The following DUSP13B variants were observed in gnomAD, a reference collection of about 807,000 sequenced individuals.
DUSP13B encodes the protein dual specificity phosphatase 13B.
the DUSP13B span, among the ~76,000 whole-genome samples, chr10:75,107,704 G>A: frequency 2.0e-5 from 3 of 152,156 alleles, no homozygotes; most frequent in Non-Finnish European, 4.4e-5. Context: ...AGCCTCCAGA[G>A]TAGCTGAGAT....
the DUSP13B span, among the ~76,000 whole-genome samples, chr10:75,095,049 T>C: frequency 2.6e-5 from 4 of 152,196 alleles, 1 homozygote; most frequent in Admixed American, 2.0e-4. Context: ...CAAAGTCACA[T>C]AGCAAGTTAG....
At chr10:75,108,859 A>T in the DUSP13B span, 1 of 1,032,592 alleles carries the variant, frequency 9.7e-7, no homozygotes. Flanking sequence ...TGACCTCAGC[A>T]CCCCCGGGGG....
chr10:75,095,943 C>T, the DUSP13B span: 4 of 719,300 alleles, frequency 5.6e-6, no homozygotes, highest in Non-Finnish European at 9.3e-6. Flanking sequence ...TGAAGGGGCT[C>T]CTCCTGTTGG....
the DUSP13B span, among the ~76,000 whole-genome samples, chr10:75,107,543 G>A: frequency 6.6e-6 from 1 of 152,116 alleles, no homozygotes; most frequent in Non-Finnish European, 1.5e-5. Context: ...GGAAGGAATC[G>A]GGTTCGACAA....
the DUSP13B span, among the ~76,000 whole-genome samples, chr10:75,106,101 CTTTT>C: frequency 4.9e-5 from 6 of 123,034 alleles, no homozygotes; most frequent in South Asian, 2.6e-4. Flanking sequence ...TCTTTCTTTT[CTTTT>C]TTTTTTTTTT....
chr10:75,095,446 T>A, the DUSP13B span: 1 of 798,420 alleles, frequency 1.3e-6, no homozygotes, highest in African/African-American at 1.7e-5. Flanking sequence ...GTAGCTATTT[T>A]CCCTATGGAG....
the DUSP13B span, chr10:75,097,790 T>C: frequency 1.9e-6 from 3 of 1,613,970 alleles, no homozygotes. Context: ...CAGCAAGCGC[T>C]GCAGCGAAGC....
chr10:75,105,604 G>A, the DUSP13B span: 1 of 1,457,724 alleles, frequency 6.9e-7, no homozygotes, highest in Admixed American at 2.0e-5. Context: ...TGCAGCCTAG[G>A]CCCTCACCTG....
chr10:75,098,295 G>C, the DUSP13B span, among the ~76,000 whole-genome samples: 1 of 152,184 alleles, frequency 6.6e-6, no homozygotes, highest in Non-Finnish European at 1.5e-5. Context: ...ACCAACCTAA[G>C]CAGCTCATCT....
At chr10:75,105,137 TCA>T in the DUSP13B span, among the ~76,000 whole-genome samples, 2 of 151,934 alleles carry the variant, frequency 1.3e-5, no homozygotes, top group African/African-American at 4.8e-5. Flanking sequence ...TGGCCTTAGC[TCA>T]CTGATGAGAA....
At chr10:75,104,618 C>T in the DUSP13B span, among the ~76,000 whole-genome samples, 1 of 152,192 alleles carries the variant, frequency 6.6e-6, no homozygotes, top group Admixed American at 6.5e-5. Context: ...AGGGAATCTG[C>T]CATTCCATGG....
At chr10:75,107,681 A>G in the DUSP13B span, among the ~76,000 whole-genome samples, 9 of 152,078 alleles carry the variant, frequency 5.9e-5, no homozygotes, top group Non-Finnish European at 8.8e-5. Context: ...TGTTCAAGCA[A>G]TTCTCCTGCC....
At chr10:75,097,738 GA>G in the DUSP13B span, 1 of 1,610,688 alleles carries the variant, frequency 6.2e-7, no homozygotes, top group Non-Finnish European at 8.5e-7. Context: ...GGCTGGGCCA[GA>G]CCTCATCGAT....
chr10:75,094,451 A>C, the DUSP13B span: 1 of 558,378 alleles, frequency 1.8e-6, no homozygotes, highest in Non-Finnish European at 3.2e-6. Context: ...GACGATGAAT[A>C]TTTTATTATA....
At chr10:75,101,995 G>A in the DUSP13B span, 28 of 1,349,794 alleles carry the variant, frequency 2.1e-5, no homozygotes, top group South Asian at 5.7e-5. Flanking sequence ...TATAAAGCAT[G>A]CTGTCTACTC....
the DUSP13B span, chr10:75,095,859 G>A: frequency 6.5e-7 from 1 of 1,539,230 alleles, no homozygotes; most frequent in East Asian, 2.3e-5. Context: ...AGCTCTGGCT[G>A]GGTTGAAGTT....
At chr10:75,104,856 G>T in the DUSP13B span, among the ~76,000 whole-genome samples, 1 of 151,966 alleles carries the variant, frequency 6.6e-6, no homozygotes, top group Non-Finnish European at 1.5e-5. Context: ...GCTTGGGCTG[G>T]CTATGCCTTC....
chr10:75,107,976 G>C, the DUSP13B span: 1 of 1,603,036 alleles, frequency 6.2e-7, no homozygotes, highest in Non-Finnish European at 8.5e-7. Context: ...ATATGGGCTT[G>C]GACCCCAAGT....
the DUSP13B span, chr10:75,102,025 G>A: frequency 5.6e-6 from 7 of 1,243,042 alleles, no homozygotes; most frequent in Middle Eastern, 2.2e-4. Flanking sequence ...AGCCTCCCCT[G>A]CCACTCCCAA....
Sources: gnomAD v4.1 joint callset for allele counts (sites outside exome capture counted in the v4.1 genomes callset) on GRCh38, gnomAD v4.1.1 for gene constraint, MANE v1.5 for transcripts, NCBI Gene and HGNC (gene_info 2026-07-23, HGNC 2026-07-21) for gene names.